Variants in CECR2 observed in about 807,000 individuals in gnomAD.
CECR2 encodes CECR2 histone acetyl-lysine reader.
In CECR2, 30 loss-of-function variants were observed where a neutral mutation model predicts 154.5. The ratio of observed to expected loss-of-function variants is 0.19; its 90% CI spans 0.15 to 0.26. The LOEUF is 0.26. Ranked by LOEUF, CECR2 falls within the 10% of genes least tolerant of loss-of-function variation. The pLI is 1.00. For missense variants in CECR2, 1,743 were observed against 1,829.3 expected, an observed-to-expected ratio of 0.95 and a Z score of 0.86; for synonymous variants, 725 against 683.7, an observed-to-expected ratio of 1.06 and a Z score of -0.94.
At position 17,518,039 on chromosome 22, in the gene CECR2, G is replaced by A. The variant is rs551373945; in HGVS notation, c.955-6079G>A. On this transcript the variant is annotated intron_variant, in intron 8 of 18. Transcript: ENST00000262608. ...CTCTTCTGGGGAGATGGTGTTCCTT[G>A]CCCTCATATGCTTCTCCATTGTAAT... Among the ~76,000 whole-genome samples the A allele has an allele frequency of 2.0e-5, 3 of 152,208 alleles. No homozygotes were observed. In the East Asian group the frequency reaches 5.8e-4, roughly 29 times the overall value.
At chr22:17,454,186 C>A (rs562290595) in intron 1 of CECR2, among the ~76,000 whole-genome samples, 1 of 152,216 alleles carries the variant, frequency 6.6e-6, no homozygotes, top group East Asian at 1.9e-4. Context: ...GCAGTCCCAG[C>A]TACTCAGGAG....
Position 17,553,008 on chromosome 22 carries a change from C to T in CECR2, c.*168C>T. Reference sequence around the variant, plus strand: ...GAGCCAGTCACGGGCCCTAAAAGGACACTCCTTAGATGACTGACACACAGA... The same window carrying T: ...GAGCCAGTCACGGGCCCTAAAAGGATACTCCTTAGATGACTGACACACAGA... On this transcript the variant is annotated 3_prime_UTR_variant, in exon 19 of 19. Coordinates refer to ENST00000262608, the MANE Select transcript of CECR2 (RefSeq NM_001290047.2). 6.9e-7 allele frequency: 1 copy of T among 1,439,828 alleles called. No individual in the cohort carries two copies. The highest frequency in any genetic ancestry group is 9.1e-7 in the Non-Finnish European group (1 of 1,098,670). The allele number at this position is 1,439,828 out of a possible 1,614,324, so 89.2% of individuals were successfully genotyped here.
At chr22:17,368,629 G>A (rs1489154663), upstream of CECR2, among the ~76,000 whole-genome samples, 2 of 152,068 alleles carry the variant, frequency 1.3e-5, no homozygotes, top group Admixed American at 6.5e-5. Flanking sequence ...CCTCCCCTCC[G>A]AGCACAGTCC....
chr22:17,363,268 G>A (rs931950298), intron 1 of CECR2, among the ~76,000 whole-genome samples: 5 of 151,662 alleles, frequency 3.3e-5, no homozygotes, highest in African/African-American at 1.2e-4. Context: ...GAGTGCAGTG[G>A]CGCGATCACA....
intron 2 of CECR2, among the ~76,000 whole-genome samples, chr22:17,479,996 G>A (rs2055278980): frequency 6.6e-6 from 1 of 152,126 alleles, no homozygotes; most frequent in Non-Finnish European, 1.5e-5. Flanking sequence ...CTGGTCTCAA[G>A]CGATCCTGCT....
chr22:17,497,427 A>G lies in CECR2; in HGVS notation c.246A>G (p.Leu82=), dbSNP rs780640857. 2 of 1,613,816 alleles carry G rather than the reference A, an allele frequency of 1.2e-6. No individual in the cohort carries two copies. Among genetic ancestry groups the G allele is most frequent in the Non-Finnish European group, 1.7e-6 (2 of 1,179,840 alleles). ...DITPQTFHSY[L]EDIINYRWEL... is the part of the protein sequence containing the mutation. ...GGCCTCAGACATTCCACAGCTACCT[A>G]GAGGACATCATCAACTACCGCTGGG... The change falls in exon 3 of 19, where the codon CTA becomes CTG. Residue 82 remains leucine (L), a synonymous_variant. Coordinates refer to ENST00000262608, the MANE Select transcript of CECR2 (RefSeq NM_001290047.2).
At chr22:17,424,968 T>TC (rs1240633902) in intron 1 of CECR2, among the ~76,000 whole-genome samples, 2 of 152,212 alleles carry the variant, frequency 1.3e-5, no homozygotes, top group African/African-American at 2.4e-5. Flanking sequence ...CAAGGCGGAG[T>TC]CCTTGTGTTT....
chr22:17,385,723 T>C (rs950937491), intron 1 of CECR2, among the ~76,000 whole-genome samples: 2 of 152,194 alleles, frequency 1.3e-5, no homozygotes, highest in African/African-American at 2.4e-5. Context: ...ATAGACTTGC[T>C]ACTCGCAGGG....
intron 1 of CECR2, among the ~76,000 whole-genome samples, chr22:17,404,635 A>C (rs2053954374): frequency 7.7e-6 from 1 of 130,594 alleles, no homozygotes; most frequent in Non-Finnish European, 1.6e-5. Context: ...GGCCTCCCAA[A>C]GTGCTGGGAT....
chr22:17,473,660 C>T (rs1174607497), intron 1 of CECR2, among the ~76,000 whole-genome samples: 6 of 152,092 alleles, frequency 3.9e-5, no homozygotes, highest in African/African-American at 1.4e-4. Flanking sequence ...TACTGTGTGC[C>T]ACTGCTTCAT....
rs969534990 is a variant in CECR2 at position 17,556,618 on chromosome 22, G to A, written c.*3778G>A. ...AAATACTACACTGCTCTTAAGACCT[G>A]ATTTGAAATTTCACAGGAAGGCCTA... On this transcript the variant is annotated 3_prime_UTR_variant, in exon 19 of 19. Coordinates refer to ENST00000262608, the MANE Select transcript of CECR2 (RefSeq NM_001290047.2). The A allele has an allele frequency of 3.9e-5, 6 of 151,920 alleles. No homozygotes were observed. The highest frequency in any genetic ancestry group is 1.2e-4 in the African/African-American group (5 of 41,326). 9.4% of individuals were successfully genotyped at this position (151,920 alleles called of 1,614,324 possible). A position where few individuals can be genotyped will look rare whatever the true frequency, so the allele number is the denominator to read the frequency against.
intron 2 of CECR2, among the ~76,000 whole-genome samples, chr22:17,489,552 C>T (rs2146841131): frequency 6.6e-6 from 1 of 152,248 alleles, no homozygotes; most frequent in Admixed American, 6.5e-5. Flanking sequence ...ACCTCCTGGG[C>T]TCAAACAGTC....
intron 10 of CECR2, among the ~76,000 whole-genome samples, chr22:17,538,234 G>A (rs562661467): frequency 1.3e-5 from 2 of 152,144 alleles, no homozygotes; most frequent in Admixed American, 1.3e-4. Context: ...AGTAAATAAA[G>A]AATGTGCAAT....
chr22:17,514,223 G>C (rs891320418), intron 8 of CECR2, among the ~76,000 whole-genome samples: 3 of 152,160 alleles, frequency 2.0e-5, no homozygotes, highest in Non-Finnish European at 4.4e-5. Flanking sequence ...GGTTATTTTT[G>C]TCCGGACACT....
intron 1 of CECR2, among the ~76,000 whole-genome samples, chr22:17,413,413 T>C (rs906490589): frequency 6.6e-6 from 1 of 152,182 alleles, no homozygotes; most frequent in Non-Finnish European, 1.5e-5. Context: ...TTGCTGTGTC[T>C]TGGCCGTGAT....
chr22:17,549,586 T>C (rs2146146074), intron 17 of CECR2, 22 bp downstream of exon 17: 1 of 1,516,722 alleles, frequency 6.6e-7, no homozygotes, highest in South Asian at 1.2e-5. Context: ...TTCAGGCTTT[T>C]CCCCCTAAAG....
chr22:17,415,407 A>G (rs5747115), intron 1 of CECR2, among the ~76,000 whole-genome samples: 47,224 of 151,968 alleles, frequency 0.31, 7,403 homozygotes, highest in Middle Eastern at 0.4. Context: ...GTGCCTGGCT[A>G]ATTTTTGTAT....
intron 2 of CECR2, among the ~76,000 whole-genome samples, chr22:17,484,380 A>G (rs1019673069): frequency 1.3e-5 from 2 of 152,154 alleles, no homozygotes; most frequent in Non-Finnish European, 1.5e-5. Flanking sequence ...GTTGCAGGTA[A>G]TCAGCTCTGT....
At chr22:17,490,709 A>G (rs1341675299) in intron 2 of CECR2, among the ~76,000 whole-genome samples, 1 of 151,986 alleles carries the variant, frequency 6.6e-6, no homozygotes, top group Non-Finnish European at 1.5e-5. Flanking sequence ...TCAGCCTCCC[A>G]AAGTGCTAGG....
Sources: allele counts gnomAD v4.1 joint callset (sites outside exome capture counted in the v4.1 genomes callset), GRCh38; gene constraint gnomAD v4.1.1; transcripts MANE v1.5; gene names NCBI Gene and HGNC (gene_info 2026-07-23, HGNC 2026-07-21).